STAG1: variants seen among roughly 807,000 people sequenced by gnomAD.
STAG1 encodes cohesin subunit SA-1.
Under a neutral mutation model 170.9 loss-of-function variants are expected in STAG1, and 26 were observed. That is an observed-to-expected ratio of 0.15 (90% CI 0.11 to 0.21). STAG1 has a LOEUF of 0.21. STAG1 is among the 10% of genes least tolerant of loss of function. The pLI, the probability that STAG1 is intolerant of heterozygous loss-of-function variation, is 1.00. For missense variants in STAG1, 964 were observed against 1,509.5 expected, an observed-to-expected ratio of 0.64 and a Z score of 5.99; for synonymous variants, 514 against 497.7, an observed-to-expected ratio of 1.03 and a Z score of -0.44.
intron 5 of STAG1, among the ~76,000 whole-genome samples, chr3:136,556,229 C>G (rs1936610407): frequency 6.6e-6 from 1 of 152,032 alleles, no homozygotes; most frequent in Non-Finnish European, 1.5e-5. Context: ...ACATACATCC[C>G]CTTCAAAAAA....
At chr3:136,478,639 T>C (rs561563440) in intron 9 of STAG1, among the ~76,000 whole-genome samples, 1 of 152,312 alleles carries the variant, frequency 6.6e-6, no homozygotes, top group East Asian at 1.9e-4. Context: ...TTAGTTTCTC[T>C]TTGGTGACAA....
chr3:136,587,410 G>A (rs1937885205), intron 4 of STAG1, among the ~76,000 whole-genome samples: 1 of 151,376 alleles, frequency 6.6e-6, no homozygotes, highest in Non-Finnish European at 1.5e-5. Context: ...CATGGTGGTA[G>A]GCATCTGTAA....
At chr3:136,591,638 T>C (rs1938188646) in intron 4 of STAG1, 1 of 269,678 alleles carries the variant, frequency 3.7e-6, no homozygotes, top group Non-Finnish European at 7.5e-6. Context: ...ATGGCTATTG[T>C]GCAAGTTCAA....
intron 21 of STAG1, 95 bp downstream of exon 21, chr3:136,417,790 G>T: frequency 1.1e-6 from 1 of 884,092 alleles, no homozygotes; most frequent in Non-Finnish European, 1.8e-6. Context: ...CTAATGAATC[G>T]TCAATTACTT....
At chr3:136,365,813 A>G (rs1937052811) in intron 25 of STAG1, among the ~76,000 whole-genome samples, 1 of 152,202 alleles carries the variant, frequency 6.6e-6, no homozygotes, top group East Asian at 1.9e-4. Context: ...ATCACAGTCT[A>G]TTTGGGTATC....
intron 3 of STAG1, among the ~76,000 whole-genome samples, chr3:136,621,490 C>A (rs1307315589): frequency 6.6e-6 from 1 of 152,174 alleles, no homozygotes. Context: ...TAGTCAACAG[C>A]TTCCAAGTGC....
At chr3:136,453,932 G>A (rs2089023703) in intron 13 of STAG1, among the ~76,000 whole-genome samples, 1 of 151,738 alleles carries the variant, frequency 6.6e-6, no homozygotes, top group Non-Finnish European at 1.5e-5. Flanking sequence ...TTCTGGGGGG[G>A]CAGGTGAGGA....
chr3:136,716,872 T>G (rs1158125597), intron 1 of STAG1, among the ~76,000 whole-genome samples: 2 of 152,200 alleles, frequency 1.3e-5, no homozygotes, highest in Non-Finnish European at 2.9e-5. Flanking sequence ...TTCTGCAAAT[T>G]ACTATATTTT....
At chr3:136,411,650 A>T (rs1011436301) in intron 21 of STAG1, among the ~76,000 whole-genome samples, 2 of 152,146 alleles carry the variant, frequency 1.3e-5, no homozygotes, top group African/African-American at 2.4e-5. Flanking sequence ...GGAGATGCTT[A>T]AAAAATAATA....
intron 4 of STAG1, among the ~76,000 whole-genome samples, chr3:136,582,167 G>C (rs1937604256): frequency 7.0e-6 from 1 of 142,940 alleles, no homozygotes; most frequent in Non-Finnish European, 1.5e-5. Flanking sequence ...TCCTGCTATA[G>C]GAAAACATTT....
chr3:136,340,661 T>A (rs1383750386), intron 31 of STAG1, 56 bp from the exon 32 acceptor site: 10 of 1,131,564 alleles, frequency 8.8e-6, no homozygotes, highest in African/African-American at 1.5e-5. Context: ...TTTGGAGTCC[T>A]GGCTGTTTCT....
intron 9 of STAG1, among the ~76,000 whole-genome samples, chr3:136,485,713 T>C (rs2089995865): frequency 6.6e-6 from 1 of 152,206 alleles, no homozygotes; most frequent in Non-Finnish European, 1.5e-5. Flanking sequence ...ATTCAGTGAA[T>C]ATCAATTCCA....
intron 13 of STAG1, among the ~76,000 whole-genome samples, chr3:136,460,148 T>A (rs2089233505): frequency 6.6e-6 from 1 of 151,798 alleles, no homozygotes; most frequent in Non-Finnish European, 1.5e-5. Context: ...AATATCCAAA[T>A]AAAATCAGAG....
chr3:136,343,897 C>T lies in STAG1; in HGVS notation c.3381G>A (p.Arg1127=). The T allele has an allele frequency of 1.2e-6, 2 of 1,609,498 alleles. No homozygotes were observed. The highest frequency in any genetic ancestry group is 1.7e-6 in the Non-Finnish European group (2 of 1,177,880). Residue 1127 remains arginine (R), a synonymous_variant, in exon 30 of 34, where the codon CGG becomes CGA. Coordinates refer to ENST00000383202, the MANE Select transcript of STAG1 (RefSeq NM_005862.3). The stretch of plus-strand genomic sequence containing the variant: ...GTTCTTGAATCTGGTCTCCCATGGG[C>T]CGACTGTTCTCCCGCAGTACAGTGG... The part of the protein sequence containing the change: ...LTSTVLRENS[R]PMGDQIQEPE...
intron 16 of STAG1, among the ~76,000 whole-genome samples, chr3:136,432,522 G>GT (rs1559798083): frequency 1.4e-5 from 2 of 144,018 alleles, no homozygotes; most frequent in East Asian, 4.2e-4. Flanking sequence ...TTTGGGGGGG[G>GT]GGGGGCACAG....
chr3:136,619,638 T>G (rs772998484), intron 3 of STAG1, among the ~76,000 whole-genome samples: 4 of 149,820 alleles, frequency 2.7e-5, no homozygotes, highest in Non-Finnish European at 5.9e-5. Flanking sequence ...ATGCCTGTAA[T>G]CCCAGCTACT....
chr3:136,492,516 GA>G (rs1404070465), intron 9 of STAG1, among the ~76,000 whole-genome samples: 8 of 152,090 alleles, frequency 5.3e-5, no homozygotes, highest in African/African-American at 1.9e-4. Flanking sequence ...GCTCTCACTT[GA>G]AAAAAGTAAA....
intron 5 of STAG1, among the ~76,000 whole-genome samples, chr3:136,542,674 A>T: frequency 6.6e-6 from 1 of 151,824 alleles, no homozygotes; most frequent in South Asian, 2.1e-4. Flanking sequence ...TGTAATAAAA[A>T]AAAAAAAAAA....
intron 1 of STAG1, among the ~76,000 whole-genome samples, chr3:136,680,248 G>A (rs1355979703): frequency 2.0e-5 from 3 of 152,148 alleles, no homozygotes; most frequent in African/African-American, 4.8e-5. Flanking sequence ...GCATCAGAGC[G>A]AGACCCTGTC....
Sources: gnomAD v4.1 joint callset for allele counts (sites outside exome capture counted in the v4.1 genomes callset) on GRCh38, gnomAD v4.1.1 for gene constraint, MANE v1.5 for transcripts, NCBI Gene and HGNC (gene_info 2026-07-23, HGNC 2026-07-21) for gene names.